The following PAX5 variants were observed in gnomAD, a reference collection of about 807,000 sequenced individuals.
PAX5 encodes paired box 5.
Under a neutral mutation model 43.7 loss-of-function variants are expected in PAX5, and 9 were observed. The ratio of observed to expected loss-of-function variants is 0.21; its 90% CI spans 0.12 to 0.36. The LOEUF is 0.36. Among genes scored for constraint, PAX5 ranks in the 10% least tolerant of loss-of-function variants. The pLI is 1.00. For missense variants in PAX5, 383 were observed against 532.7 expected (o/e 0.72, Z 2.77); for synonymous variants, 228 against 214.3 (o/e 1.06, Z -0.56).
chr9:36,947,754 C>A (rs76345183), intron 6 of PAX5, among the ~76,000 whole-genome samples: 1,791 of 151,860 alleles, frequency 0.012, 34 homozygotes, highest in African/African-American at 0.042. Flanking sequence ...AAAACCATCA[C>A]CCCCACCCCC....
At chr9:36,993,995 T>G (rs543914416) in intron 5 of PAX5, among the ~76,000 whole-genome samples, 3 of 151,350 alleles carry the variant, frequency 2.0e-5, no homozygotes, top group Admixed American at 1.3e-4. Flanking sequence ...AGGGTGGGGG[T>G]TCAGCGGCGT....
chr9:36,854,844 G>T (rs1052040898), intron 8 of PAX5, among the ~76,000 whole-genome samples: 1 of 152,176 alleles, frequency 6.6e-6, no homozygotes, highest in Admixed American at 6.5e-5. Flanking sequence ...CGAGAGAGAG[G>T]GTGAGCATGA....
At chr9:36,952,867 C>T (rs781700705) in intron 6 of PAX5, among the ~76,000 whole-genome samples, 1 of 152,140 alleles carries the variant, frequency 6.6e-6, no homozygotes, top group Non-Finnish European at 1.5e-5. Context: ...CAAACAGTTA[C>T]CTTTTAGATC....
Position 36,833,861 on chromosome 9 carries a change from AT to A in PAX5, c.*6698del. ...TGGTTTTTGTTGTTGGTTTTTTTGT[AT>A]TTTTTTGTATTTTTTTTTTTTTACA... On this transcript the variant is annotated 3_prime_UTR_variant, in exon 10 of 10. Coordinates refer to ENST00000358127, the MANE Select transcript of PAX5 (RefSeq NM_016734.3). The A allele has an allele frequency of 5.7e-6, 1 of 174,254 alleles. No homozygotes were observed. Among genetic ancestry groups the A allele is most frequent in the East Asian group, 7.1e-5 (1 of 14,108 alleles). 10.8% of individuals were successfully genotyped at this position (174,254 alleles called of 1,614,324 possible). A position where few individuals can be genotyped will look rare whatever the true frequency, so the allele number is the denominator to read the frequency against.
At chr9:36,978,393 A>C (rs1835631493) in intron 5 of PAX5, among the ~76,000 whole-genome samples, 1 of 152,248 alleles carries the variant, frequency 6.6e-6, no homozygotes, top group South Asian at 2.1e-4. Context: ...AGATCAAAGA[A>C]TGTGAAAGGC....
chr9:36,858,389 C>G (rs1823870401), intron 8 of PAX5, among the ~76,000 whole-genome samples: 1 of 152,164 alleles, frequency 6.6e-6, no homozygotes, highest in African/African-American at 2.4e-5. Context: ...CCGTCTCTAC[C>G]CATCCCTTCC....
chr9:36,912,940 C>T lies in PAX5; in HGVS notation c.910+10415G>A, dbSNP rs1324790349. 3.9e-5 allele frequency among the ~76,000 whole-genome samples: 6 copies of T among 152,296 alleles called. No individual in the cohort carries two copies. The East Asian group carries it at 1.2e-3, about 29-fold the overall frequency. Reference sequence around the variant, plus strand: ...AATGAGCTTGGAGAGAAGAGGATGACCAATGTGTCCAAAGACAGGACCAGT... The same window carrying T: ...AATGAGCTTGGAGAGAAGAGGATGATCAATGTGTCCAAAGACAGGACCAGT... On this transcript the variant is annotated intron_variant, in intron 7 of 9. Coordinates refer to ENST00000358127, the MANE Select transcript of PAX5 (RefSeq NM_016734.3).
intron 4 of PAX5, among the ~76,000 whole-genome samples, chr9:37,005,915 C>T (rs573329100): frequency 6.6e-6 from 1 of 152,344 alleles, no homozygotes; most frequent in South Asian, 2.1e-4. Flanking sequence ...TGTCGGGTCA[C>T]AGCCACTCTC....
chr9:36,840,616 C>A lies in PAX5; in HGVS notation c.1120G>T (p.Ala374Ser), dbSNP rs756710542. ...GLLGSPYYYS[A>S]AARGAAPPAA... ...GGTGGGGCGGCTCCTCGGGCGGCAG[C>A]GCTATAATAGTAGGGGGAGCCTGGA... The change falls in exon 10 of 10, where the codon GCT becomes TCT. Residue 374 changes from alanine (A) to serine (S), a missense_variant. By Grantham distance (99) the Ala-to-Ser change is moderately conservative (BLOSUM62 1). Coordinates refer to ENST00000358127, the MANE Select transcript of PAX5 (RefSeq NM_016734.3). 2 of 1,577,028 alleles carry A rather than the reference C, an allele frequency of 1.3e-6. No homozygotes were observed. The highest frequency in any genetic ancestry group is 8.6e-7 in the Non-Finnish European group (1 of 1,162,214).
At chr9:36,891,775 C>A (rs1827410815) in intron 7 of PAX5, among the ~76,000 whole-genome samples, 1 of 152,202 alleles carries the variant, frequency 6.6e-6, no homozygotes, top group South Asian at 2.1e-4. Flanking sequence ...ACCTAATCCC[C>A]ACTTTTAACT....
At chr9:36,922,491 C>A (rs1356806236) in intron 7 of PAX5, among the ~76,000 whole-genome samples, 1 of 152,186 alleles carries the variant, frequency 6.6e-6, no homozygotes, top group Non-Finnish European at 1.5e-5. Flanking sequence ...CCACGTTACC[C>A]CAGCACAGCT....
chr9:36,995,310 A>C (rs2132348917), intron 5 of PAX5, among the ~76,000 whole-genome samples: 1 of 152,370 alleles, frequency 6.6e-6, no homozygotes, highest in Middle Eastern at 3.4e-3. Context: ...GTCCAGGCTC[A>C]AGGACAGCAT....
At chr9:37,016,104 T>C (rs970794072) in intron 2 of PAX5, among the ~76,000 whole-genome samples, 6 of 152,154 alleles carry the variant, frequency 3.9e-5, no homozygotes, top group Admixed American at 6.5e-5. Context: ...TTCATCAAGG[T>C]TAAACAGTTT....
chr9:36,999,117 T>TA (rs1233685375), intron 5 of PAX5, among the ~76,000 whole-genome samples: 6 of 152,194 alleles, frequency 3.9e-5, no homozygotes, highest in African/African-American at 1.2e-4. Context: ...CCCTAAATGC[T>TA]TCTAGACTAA....
intron 6 of PAX5, among the ~76,000 whole-genome samples, chr9:36,960,254 T>G (rs1305033429): frequency 1.3e-5 from 2 of 152,078 alleles, no homozygotes; most frequent in African/African-American, 4.8e-5. Flanking sequence ...AAGAAAGTAA[T>G]AACTGTAGTA....
intron 5 of PAX5, among the ~76,000 whole-genome samples, chr9:36,985,280 C>A (rs867558493): frequency 3.3e-5 from 5 of 152,170 alleles, no homozygotes; most frequent in African/African-American, 1.2e-4. Flanking sequence ...CAGGTGCCTG[C>A]CACACACTCA....
chr9:36,981,434 C>CAAAAAAAAAAAAA (rs571402545), intron 5 of PAX5, among the ~76,000 whole-genome samples: 3 of 97,104 alleles, frequency 3.1e-5, no homozygotes, highest in Non-Finnish European at 6.0e-5. Context: ...CTGAAACTGG[C>CAAAAAAAAAAAAA]AAAAAAAAAA....
In PAX5 at chr9:36,834,225, C is replaced by T. The variant is rs906315932; in HGVS notation, c.*6335G>A. On this transcript the variant is annotated 3_prime_UTR_variant, in exon 10 of 10. Coordinates refer to ENST00000358127, the MANE Select transcript of PAX5 (RefSeq NM_016734.3). ...CAGGCAACGCCAGGCCCTCACTGCC[C>T]GCCACCCTCTGTTGTGCTGGGTGCT... The T allele has an allele frequency of 5.1e-5, 12 of 233,192 alleles. No individual in the cohort carries two copies. Among genetic ancestry groups the T allele is most frequent in the Non-Finnish European group, 9.3e-5 (11 of 118,072 alleles). 14.4% of individuals were successfully genotyped at this position (233,192 alleles called of 1,614,324 possible). A position where few individuals can be genotyped will look rare whatever the true frequency, so the allele number is the denominator to read the frequency against.
At chr9:37,032,057 G>A (rs923691276) in intron 1 of PAX5, among the ~76,000 whole-genome samples, 2 of 152,084 alleles carry the variant, frequency 1.3e-5, no homozygotes, top group Non-Finnish European at 2.9e-5. Flanking sequence ...TTGAACTGTC[G>A]CCCTTTTCCA....
Sources: allele counts gnomAD v4.1 joint callset (sites outside exome capture counted in the v4.1 genomes callset), GRCh38; gene constraint gnomAD v4.1.1; transcripts MANE v1.5; gene names NCBI Gene and HGNC (gene_info 2026-07-23, HGNC 2026-07-21).